The following QRICH1 variants were observed in gnomAD, a reference collection of about 807,000 sequenced individuals.
The protein encoded by QRICH1 is glutamine rich 1, also known as transcriptional regulator QRICH1.
A neutral mutation model predicts 87.1 loss-of-function variants in QRICH1; 16 were observed. That is an observed-to-expected ratio of 0.18 (90% CI 0.12 to 0.28). QRICH1 has a LOEUF of 0.28. QRICH1 is among the 10% of genes least tolerant of loss of function. The pLI is 1.00. For missense variants in QRICH1, 647 were observed against 951.7 expected (o/e 0.68, Z 4.21); for synonymous variants, 367 against 368.4 (o/e 1.00, Z 0.05).
chr3:49,049,393 T>C (rs56030853), intron 3 of QRICH1, among the ~76,000 whole-genome samples: 15 of 151,824 alleles, frequency 9.9e-5, no homozygotes, highest in Admixed American at 7.9e-4. Context: ...TACAGTGAGC[T>C]GAGACAGTGC....
intron 3 of QRICH1, among the ~76,000 whole-genome samples, chr3:49,052,415 T>C (rs1234746920): frequency 1.3e-5 from 2 of 152,162 alleles, no homozygotes; most frequent in Non-Finnish European, 2.9e-5. Flanking sequence ...GAGGAAGGCA[T>C]GGCCGAGAGA....
At chr3:49,039,618 CAAAAAAAAA>C (rs899570014) in intron 6 of QRICH1, among the ~76,000 whole-genome samples, 2 of 16,374 alleles carry the variant, frequency 1.2e-4, no homozygotes, top group African/African-American at 5.6e-4. Context: ...GACTCCATCT[CAAAAAAAAA>C]AAAAAAAAAA....
chr3:49,046,254 T>C (rs996704318), intron 5 of QRICH1, among the ~76,000 whole-genome samples, 171 bp downstream of exon 5: 4 of 146,700 alleles, frequency 2.7e-5, no homozygotes, highest in African/African-American at 9.7e-5. Context: ...GTGTAGGTTT[T>C]TAAAACTTAA....
intron 1 of QRICH1, chr3:49,092,547 TAGAA>T (rs1226177307): frequency 1.3e-5 from 2 of 152,156 alleles, no homozygotes; most frequent in Non-Finnish European, 1.5e-5. Context: ...TACAGTACAT[TAGAA>T]AGAACTACCC....
chr3:49,042,096 G>A (rs1439941062), intron 6 of QRICH1, among the ~76,000 whole-genome samples: 4 of 146,064 alleles, frequency 2.7e-5, no homozygotes, highest in East Asian at 2.0e-4. Context: ...TTTTTTGGGC[G>A]GGGGGGCGGG....
In QRICH1 at chr3:49,030,168, C is replaced by CT; in HGVS notation, c.*283dup. 2.0e-6 allele frequency: 1 copy of CT among 504,704 alleles called. No homozygotes were observed. The highest frequency in any genetic ancestry group is 3.5e-6 in the Non-Finnish European group (1 of 288,310). The allele number at this position is 504,704 out of a possible 1,614,324, so 31.3% of individuals were successfully genotyped here. ...CACATTTCTTTTCACAGTCCAAGCCCTTTCCCCAGGCCCCAGACAAAAAAG... is the reference window on the plus strand; with the variant it reads ...CACATTTCTTTTCACAGTCCAAGCCCTTTTCCCCAGGCCCCAGACAAAAAAG... On this transcript the variant is annotated 3_prime_UTR_variant, in exon 10 of 10. Coordinates refer to ENST00000395443, the MANE Select transcript of QRICH1 (RefSeq NM_198880.3).
At chr3:49,062,290 G>A (rs776484054) in intron 2 of QRICH1, among the ~76,000 whole-genome samples, 120 of 150,064 alleles carry the variant, frequency 8.0e-4, no homozygotes, top group Non-Finnish European at 1.4e-3. Flanking sequence ...CCGAGATGGC[G>A]CCACTATACC....
At chr3:49,047,970 CAAGTAAAA>C (rs1559931660) in intron 3 of QRICH1, among the ~76,000 whole-genome samples, 1 of 152,008 alleles carries the variant, frequency 6.6e-6, no homozygotes, top group Non-Finnish European at 1.5e-5. Flanking sequence ...AAAAACTCCT[CAAGTAAAA>C]AAGTAATTCT....
chr3:49,076,216 C>T (rs1482145216), intron 2 of QRICH1, among the ~76,000 whole-genome samples: 2 of 152,316 alleles, frequency 1.3e-5, no homozygotes, highest in South Asian at 4.1e-4. Flanking sequence ...ACAAAGAAAA[C>T]AACCCAAGTA....
chr3:49,079,865 C>T (rs2042024419), intron 1 of QRICH1, among the ~76,000 whole-genome samples: 1 of 152,096 alleles, frequency 6.6e-6, no homozygotes, highest in African/African-American at 2.4e-5. Context: ...CCTGTCTCTA[C>T]TAAAAATACA....
intron 6 of QRICH1, among the ~76,000 whole-genome samples, chr3:49,036,194 C>A (rs1169936664): frequency 6.6e-6 from 1 of 152,158 alleles, no homozygotes. Context: ...TAGGTATTAG[C>A]CTTATAGTTC....
At chr3:49,067,468 T>C (rs1023140871) in intron 2 of QRICH1, among the ~76,000 whole-genome samples, 2 of 151,788 alleles carry the variant, frequency 1.3e-5, no homozygotes, top group African/African-American at 4.8e-5. Context: ...CTTGGGAGGC[T>C]GAGGCAGGAG....
In QRICH1 at chr3:49,046,313, T is replaced by G; in HGVS notation, c.1671+112A>C. The G allele has an allele frequency of 3.3e-6, 4 of 1,198,890 alleles. No homozygotes were observed. In the South Asian group the frequency reaches 4.8e-5, roughly 14 times the overall value. 74.3% of individuals were successfully genotyped at this position (1,198,890 alleles called of 1,614,324 possible). On this transcript the variant is annotated intron_variant, in intron 5 of 9. Transcript: ENST00000395443. Reference sequence around the variant, plus strand: ...TGTATTTTAAAACTCACTGTATACCTGAAAGAGAACTTCCTTATTTTAACT... The same window carrying G: ...TGTATTTTAAAACTCACTGTATACCGGAAAGAGAACTTCCTTATTTTAACT...
chr3:49,053,216 C>T (rs946205067), intron 3 of QRICH1, among the ~76,000 whole-genome samples: 7 of 152,110 alleles, frequency 4.6e-5, no homozygotes, highest in African/African-American at 1.7e-4. Flanking sequence ...CGGCCAGGCG[C>T]GGTGGCTCAC....
intron 3 of QRICH1, among the ~76,000 whole-genome samples, chr3:49,049,690 G>T (rs1044301205): frequency 2.0e-5 from 3 of 151,362 alleles, no homozygotes; most frequent in Non-Finnish European, 2.9e-5. Flanking sequence ...TAGAGACGGG[G>T]TTTCACCATG....
At chr3:49,072,241 C>T (rs760139633) in intron 2 of QRICH1, among the ~76,000 whole-genome samples, 2 of 152,030 alleles carry the variant, frequency 1.3e-5, no homozygotes, top group African/African-American at 2.4e-5. Context: ...CAAAATAATG[C>T]CACTGCACTC....
intron 2 of QRICH1, among the ~76,000 whole-genome samples, chr3:49,060,565 G>C (rs575748918): frequency 5.7e-4 from 87 of 151,376 alleles, no homozygotes; most frequent in Non-Finnish European, 7.5e-4. Context: ...CCTGACCTCA[G>C]GTGATCCACC....
intron 1 of QRICH1, chr3:49,093,567 A>G (rs2042321354): frequency 6.6e-6 from 1 of 152,044 alleles, no homozygotes; most frequent in Non-Finnish European, 1.5e-5. Context: ...GCGGTTGCCC[A>G]CGGGCCACAG....
At chr3:49,061,347 C>T (rs564814843) in intron 2 of QRICH1, among the ~76,000 whole-genome samples, 1 of 151,690 alleles carries the variant, frequency 6.6e-6, no homozygotes, top group South Asian at 2.1e-4. Context: ...AAACAGAATC[C>T]CAATAATTTA....
Sources: gnomAD v4.1 joint callset for allele counts (sites outside exome capture counted in the v4.1 genomes callset) on GRCh38, gnomAD v4.1.1 for gene constraint, MANE v1.5 for transcripts, NCBI Gene and HGNC (gene_info 2026-07-23, HGNC 2026-07-21) for gene names.